Variants in TGM5 observed in about 807,000 individuals in gnomAD.
TGM5 encodes protein-glutamine gamma-glutamyltransferase 5.
A neutral mutation model predicts 77.2 loss-of-function variants in TGM5; 69 were observed. The ratio of observed to expected loss-of-function variants is 0.89; its 90% CI spans 0.74 to 1.09. The LOEUF (loss-of-function observed/expected upper bound fraction) is 1.09, where lower values mean the gene tolerates loss of function less well. Ranked by LOEUF, TGM5 falls within the 50% of genes least tolerant of loss-of-function variation. The pLI is 0.00. For missense variants in TGM5, 842 were observed against 896.5 expected (o/e 0.94, Z 0.78); for synonymous variants, 346 against 351.8 (o/e 0.98, Z 0.18).
intron 6 of TGM5, among the ~76,000 whole-genome samples, chr15:43,245,105 T>G (rs1175147115): frequency 6.6e-6 from 1 of 151,600 alleles, no homozygotes; most frequent in Admixed American, 6.6e-5. Flanking sequence ...ATAAAATATC[T>G]AGTATGTTTC....
chr15:43,235,978 A>T (rs961560309), intron 9 of TGM5, 141 bp from the exon 10 acceptor site: 2 of 1,163,846 alleles, frequency 1.7e-6, no homozygotes, highest in African/African-American at 1.5e-5. Context: ...TCCACTCCTC[A>T]TGTGCTTTCC....
Position 43,257,980 on chromosome 15 carries a change from G to A in TGM5, c.437-1294C>T, listed in dbSNP as rs1023768733. Reference sequence around the variant, plus strand: ...ATTCTGAGCAAACTATTGCAAGGACGTAAGACCAAACACCACATGTTCTCA... The same window carrying A: ...ATTCTGAGCAAACTATTGCAAGGACATAAGACCAAACACCACATGTTCTCA... On this transcript the variant is annotated intron_variant, in intron 3 of 12. Coordinates refer to ENST00000220420, the MANE Select transcript of TGM5 (RefSeq NM_201631.4). Among the ~76,000 whole-genome samples, 12 of 152,112 alleles carry A rather than the reference G, an allele frequency of 7.9e-5. No individual in the cohort carries two copies. In the East Asian group the frequency reaches 9.6e-4, roughly 12 times the overall value.
chr15:43,249,425 A>G (rs769978240), intron 6 of TGM5, among the ~76,000 whole-genome samples: 6 of 152,138 alleles, frequency 3.9e-5, no homozygotes, highest in Non-Finnish European at 8.8e-5. Context: ...GTCACTCCCA[A>G]CTATCCCCTC....
chr15:43,250,849 G>T (rs758689813), intron 6 of TGM5, among the ~76,000 whole-genome samples: 1 of 152,164 alleles, frequency 6.6e-6, no homozygotes, highest in Admixed American at 6.5e-5. Flanking sequence ...ACTGGGCCAC[G>T]TTTGACCTAC....
rs998412217 is a variant in TGM5, at chr15:43,235,031, G to A, written c.1715-102C>T. The A allele has an allele frequency of 2.1e-6, 3 of 1,441,418 alleles. No individual in the cohort carries two copies. In the Admixed American group the frequency reaches 5.6e-5, roughly 27 times the overall value. 89.3% of individuals were successfully genotyped at this position (1,441,418 alleles called of 1,614,324 possible). ...TCCACAGAGAAGAGAAAGTCAACAAGTACCAAATCCCAGGGAAGCAGGTGG... is the reference window on the plus strand; with the variant it reads ...TCCACAGAGAAGAGAAAGTCAACAAATACCAAATCCCAGGGAAGCAGGTGG... On this transcript the variant is annotated intron_variant, in intron 10 of 12. Transcript: ENST00000220420.
Position 43,235,038 on chromosome 15 carries a change from A to G in TGM5, c.1715-109T>C, listed in dbSNP as rs579178. On this transcript the variant is annotated intron_variant, in intron 10 of 12. Coordinates refer to ENST00000220420, the MANE Select transcript of TGM5 (RefSeq NM_201631.4). ...AGAAGAGAAAGTCAACAAGTACCAA[A>G]TCCCAGGGAAGCAGGTGGCAGCTTT... is the stretch of plus-strand genomic sequence containing the variant. 1,138,210 of 1,382,728 alleles carry G rather than the reference A, an allele frequency of 0.82. 470,022 individuals are homozygous for G. Among genetic ancestry groups the G allele is most frequent in the East Asian group, 1 (42,042 of 42,076 alleles). The allele number at this position is 1,382,728 out of a possible 1,614,324, so 85.7% of individuals were successfully genotyped here.
Position 43,233,010 on chromosome 15 carries a change from C to G in TGM5, c.*181G>C, listed in dbSNP as rs2042557381. ...GTAAACAAAGCAAAGTCTTTGCCCT[C>G]ATGGAGCTTAAATTTCTAGTGGAGT... On this transcript the variant is annotated 3_prime_UTR_variant, in exon 13 of 13. Coordinates refer to ENST00000220420, the MANE Select transcript of TGM5 (RefSeq NM_201631.4). 4.0e-6 allele frequency: 3 copies of G among 743,378 alleles called. No individual in the cohort carries two copies. Among genetic ancestry groups the G allele is most frequent in the Non-Finnish European group, 6.5e-6 (3 of 461,630 alleles). 46.0% of individuals were successfully genotyped at this position (743,378 alleles called of 1,614,324 possible). A position where few individuals can be genotyped will look rare whatever the true frequency, so the allele number is the denominator to read the frequency against.
At chr15:43,251,755 C>A (rs1450766265) in intron 6 of TGM5, among the ~76,000 whole-genome samples, 1 of 152,192 alleles carries the variant, frequency 6.6e-6, no homozygotes, top group African/African-American at 2.4e-5. Context: ...TGACTCATTT[C>A]CAAGTATCAC....
intron 1 of TGM5, among the ~76,000 whole-genome samples, chr15:43,264,063 T>C (rs1308072186): frequency 6.6e-6 from 1 of 152,192 alleles, no homozygotes; most frequent in Non-Finnish European, 1.5e-5. Flanking sequence ...CACGAAAAGA[T>C]GCTCAACATC....
chr15:43,233,819 T>G, intron 11 of TGM5, 132 bp from the exon 12 acceptor site: 2 of 1,085,408 alleles, frequency 1.8e-6, no homozygotes, highest in Non-Finnish European at 1.4e-6. Flanking sequence ...AAGAATTCTT[T>G]GAGCCGAAGA....
intron 6 of TGM5, among the ~76,000 whole-genome samples, chr15:43,248,098 A>G (rs1444619142): frequency 6.6e-6 from 1 of 152,248 alleles, no homozygotes; most frequent in East Asian, 1.9e-4. Context: ...TAAACATTCC[A>G]AGAAAGAAAG....
Position 43,260,448 on chromosome 15 carries a change from G to A in TGM5, c.142C>T (p.Arg48Trp), listed in dbSNP as rs1409105577. ...AFNLTLYFRN[R>W]SFQPGLDNII... ...TTGTCCAGGCCTGGCTGGAAGCTCC[G>A]GTTCCTGAAGTACAGGGTGAGGTTG... The change falls in exon 2 of 13, where the codon CGG (arginine) becomes TGG (tryptophan). Residue 48 changes from arginine (R) to tryptophan (W), a missense_variant. Physicochemically the swap from Arg to Trp is moderately radical, Grantham distance 101 (BLOSUM62 -3). Coordinates refer to ENST00000220420, the MANE Select transcript of TGM5 (RefSeq NM_201631.4). 2.0e-5 allele frequency: 33 copies of A among 1,614,074 alleles called. No individual in the cohort carries two copies. The highest frequency in any genetic ancestry group is 2.7e-5 in the Non-Finnish European group (32 of 1,180,040).
chr15:43,234,726 G>C (rs1323123965), intron 11 of TGM5, 43 bp downstream of exon 11: 2 of 1,613,410 alleles, frequency 1.2e-6, no homozygotes, highest in South Asian at 1.1e-5. Context: ...CTCCCCGCCA[G>C]ATCCAAGGAG....
intron 6 of TGM5, chr15:43,241,379 C>T (rs2042635087): frequency 6.1e-6 from 2 of 327,130 alleles, no homozygotes; most frequent in South Asian, 2.8e-5. Context: ...AATTCCATTC[C>T]TTTCTGTAGT....
At chr15:43,248,532 C>G (rs759394898) in intron 6 of TGM5, among the ~76,000 whole-genome samples, 1 of 152,208 alleles carries the variant, frequency 6.6e-6, no homozygotes, top group African/African-American at 2.4e-5. Context: ...GAGATTAAAA[C>G]AGTACCAGAC....
chr15:43,245,323 C>A (rs1363810200), intron 6 of TGM5, among the ~76,000 whole-genome samples: 1 of 152,082 alleles, frequency 6.6e-6, no homozygotes, highest in Non-Finnish European at 1.5e-5. Context: ...ACTTTTATCA[C>A]CTTTTAATTT....
At chr15:43,258,457 A>T (rs574065) in intron 3 of TGM5, among the ~76,000 whole-genome samples, 1 of 152,074 alleles carries the variant, frequency 6.6e-6, no homozygotes. Context: ...ACAGACGTCC[A>T]CTTTGCAGGG....
At chr15:43,252,131 C>T (rs1000040484) in intron 6 of TGM5, among the ~76,000 whole-genome samples, 5 of 152,194 alleles carry the variant, frequency 3.3e-5, no homozygotes, top group Non-Finnish European at 7.3e-5. Flanking sequence ...CTCAGCCTCT[C>T]ATCTCATTTC....
intron 1 of TGM5, among the ~76,000 whole-genome samples, chr15:43,264,961 G>A (rs1352149989): frequency 2.0e-5 from 3 of 152,096 alleles, no homozygotes; most frequent in Admixed American, 6.5e-5. Context: ...CATATTGTAG[G>A]TACTCAGATT....
Sources: allele counts gnomAD v4.1 joint callset (sites outside exome capture counted in the v4.1 genomes callset), GRCh38; gene constraint gnomAD v4.1.1; transcripts MANE v1.5; gene names NCBI Gene and HGNC (gene_info 2026-07-23, HGNC 2026-07-21).